PTK2B: variants seen among roughly 807,000 people sequenced by gnomAD.
PTK2B encodes the protein protein-tyrosine kinase 2-beta.
In PTK2B, 71 loss-of-function variants were observed where a neutral mutation model predicts 142.9. That is an observed-to-expected ratio of 0.50 (90% CI 0.41 to 0.61). The LOEUF is 0.61. Among genes scored for constraint, PTK2B ranks in the 20% least tolerant of loss-of-function variants. The pLI is 0.00. For synonymous variants in PTK2B, 519 were observed against 503.4 expected, an observed-to-expected ratio of 1.03 and a Z score of -0.42; for missense variants, 1,105 against 1,320.4, an observed-to-expected ratio of 0.84 and a Z score of 2.53.
chr8:27,339,792 G>C (rs1043969423), intron 1 of PTK2B, among the ~76,000 whole-genome samples: 3 of 152,208 alleles, frequency 2.0e-5, no homozygotes, highest in Non-Finnish European at 2.9e-5. Context: ...TTCCTTTACT[G>C]ATGGTGGTTG....
chr8:27,386,584 A>G (rs1441285288), intron 1 of PTK2B, among the ~76,000 whole-genome samples: 1 of 152,170 alleles, frequency 6.6e-6, no homozygotes, highest in Non-Finnish European at 1.5e-5. Flanking sequence ...CACAGGTGGC[A>G]TCCTGTTTGC....
At chr8:27,418,740 A>T (rs1478803365) in intron 2 of PTK2B, among the ~76,000 whole-genome samples, 3 of 152,162 alleles carry the variant, frequency 2.0e-5, no homozygotes, top group African/African-American at 7.2e-5. Context: ...TTAAAATGGC[A>T]CCAAAGTCCG....
chr8:27,373,245 G>T (rs2130961064), intron 1 of PTK2B, among the ~76,000 whole-genome samples: 1 of 152,306 alleles, frequency 6.6e-6, no homozygotes, highest in East Asian at 1.9e-4. Context: ...GCACAGCAGG[G>T]AGGCAGCATG....
At chr8:27,388,427 C>G (rs999076287) in intron 1 of PTK2B, among the ~76,000 whole-genome samples, 2 of 152,200 alleles carry the variant, frequency 1.3e-5, no homozygotes, top group Non-Finnish European at 2.9e-5. Context: ...AAAAGAAGCT[C>G]TTGGGAGGAA....
intron 20 of PTK2B, 84 bp from the exon 21 acceptor site, chr8:27,440,153 G>A: frequency 7.2e-7 from 1 of 1,396,806 alleles, no homozygotes; most frequent in Non-Finnish European, 1.0e-6. Context: ...TCCTGGTGGA[G>A]ACTGAGTGCT....
chr8:27,335,595 CAAAAAAAAAAA>C (rs900959610), intron 1 of PTK2B, among the ~76,000 whole-genome samples: 13 of 74,346 alleles, frequency 1.7e-4, no homozygotes, highest in African/African-American at 5.4e-4. Flanking sequence ...AACACTGTCT[CAAAAAAAAAAA>C]AAAAAAAAGA....
intron 21 of PTK2B, among the ~76,000 whole-genome samples, chr8:27,441,972 T>C (rs1242993948): frequency 6.6e-6 from 1 of 152,100 alleles, no homozygotes; most frequent in Non-Finnish European, 1.5e-5. Context: ...GGAGCAGGTT[T>C]CTGGTGTGAT....
At chr8:27,431,238 G>T (rs1810398677) in intron 8 of PTK2B, 160 bp from the exon 9 acceptor site, 1 of 1,510,772 alleles carries the variant, frequency 6.6e-7, no homozygotes, top group Non-Finnish European at 8.9e-7. Context: ...GACAGGCAAG[G>T]TGTCAGGAGG....
rs572692009 is a variant in PTK2B, at chr8:27,430,944, C to T, written c.738C>T (p.Cys246=). ...QQYASLREEE[C]VMKFFNTLAG... ...ACGCCTCGCTCAGGGAGGAGGAGTGCGTCATGAAGTTCTTCAACACTCTCG... is the reference window on the plus strand; with the variant it reads ...ACGCCTCGCTCAGGGAGGAGGAGTGTGTCATGAAGTTCTTCAACACTCTCG... Residue 246 remains cysteine (C), a synonymous_variant, in exon 8 of 31, where the codon TGC becomes TGT. Coordinates refer to ENST00000346049, the MANE Select transcript of PTK2B (RefSeq NM_173176.3). 8 of 1,614,158 alleles carry T rather than the reference C, an allele frequency of 5.0e-6. No homozygotes were observed. Among genetic ancestry groups the T allele is most frequent in the South Asian group, 1.1e-5 (1 of 91,082 alleles).
intron 10 of PTK2B, 43 bp downstream of exon 10, chr8:27,432,404 G>T: frequency 1.3e-6 from 2 of 1,577,774 alleles, no homozygotes; most frequent in East Asian, 2.3e-5. Context: ...CTCTGCAGGG[G>T]GTATAATGGC....
chr8:27,455,511 T>C (rs1812093199), intron 30 of PTK2B, among the ~76,000 whole-genome samples: 1 of 152,158 alleles, frequency 6.6e-6, no homozygotes, highest in African/African-American at 2.4e-5. Context: ...GTCATACCAC[T>C]GCACTCCAGC....
At chr8:27,332,191 G>T (rs1803794615) in intron 1 of PTK2B, among the ~76,000 whole-genome samples, 1 of 152,228 alleles carries the variant, frequency 6.6e-6, no homozygotes, top group East Asian at 1.9e-4. Flanking sequence ...GAGTCAGAGG[G>T]CAGGAGGCCT....
chr8:27,451,528 C>T lies in PTK2B; in HGVS notation c.2548+19C>T. The T allele has an allele frequency of 6.2e-7, 1 of 1,613,992 alleles. No individual in the cohort carries two copies. Among genetic ancestry groups the T allele is most frequent in the Non-Finnish European group, 8.5e-7 (1 of 1,179,954 alleles). On this transcript the variant is annotated intron_variant, in intron 27 of 30. Coordinates refer to ENST00000346049, the MANE Select transcript of PTK2B (RefSeq NM_173176.3). ...GGCTACCGTGAGTGTTCCCGCCCTT[C>T]TTCGGGGGGTTTCCTCTTGGCACCT... is the stretch of plus-strand genomic sequence containing the variant.
intron 2 of PTK2B, among the ~76,000 whole-genome samples, chr8:27,412,535 C>A (rs1809132678): frequency 6.6e-6 from 1 of 152,062 alleles, no homozygotes; most frequent in Non-Finnish European, 1.5e-5. Flanking sequence ...TGCTCCCTGT[C>A]CCCCAAGAAC....
At chr8:27,339,293 C>G (rs1804252028) in intron 1 of PTK2B, among the ~76,000 whole-genome samples, 1 of 152,150 alleles carries the variant, frequency 6.6e-6, no homozygotes, top group South Asian at 2.1e-4. Context: ...ATTGCTCTTT[C>G]CATCAGCACA....
In PTK2B at chr8:27,361,163, T is replaced by C. The variant is rs184646046; in HGVS notation, c.-38+35482T>C. Among the ~76,000 whole-genome samples, 79 of 152,312 alleles carry C rather than the reference T, an allele frequency of 5.2e-4. 1 individual carries two copies. The highest frequency in any genetic ancestry group is 3.4e-3 in the Middle Eastern group (1 of 294). ...AATGTCTATTATTCCACACTCTATGTCCATATGTACAAATTATTTAGCTCC... is the reference window on the plus strand; with the variant it reads ...AATGTCTATTATTCCACACTCTATGCCCATATGTACAAATTATTTAGCTCC... On this transcript the variant is annotated intron_variant, in intron 1 of 30. Transcript: ENST00000346049.
At chr8:27,312,416 C>T (rs1211340851) in intron 2 of PTK2B, 1 of 152,172 alleles carries the variant, frequency 6.6e-6, no homozygotes, top group Non-Finnish European at 1.5e-5. Context: ...GGGCCCCTCT[C>T]CTGTAATGCA....
intron 21 of PTK2B, among the ~76,000 whole-genome samples, chr8:27,442,033 C>G (rs1393221751): frequency 6.6e-6 from 1 of 152,178 alleles, no homozygotes. Flanking sequence ...CCTCAGACCA[C>G]CACCTGACTC....
rs992470623 is a variant in PTK2B at position 27,349,543 on chromosome 8, G to C, written c.-38+23862G>C. Among the ~76,000 whole-genome samples, 6 of 152,244 alleles carry C rather than the reference G, an allele frequency of 3.9e-5. No homozygotes were observed. In the East Asian group the frequency reaches 1.2e-3, roughly 29 times the overall value. ...GTGCATTGGCAGGAATGCGGGGCAGGGGGTGAAGACCTCAGCTCTGATCCT... is the reference window on the plus strand; with the variant it reads ...GTGCATTGGCAGGAATGCGGGGCAGCGGGTGAAGACCTCAGCTCTGATCCT... On this transcript the variant is annotated intron_variant, in intron 1 of 30. Transcript: ENST00000346049.
Sources: gnomAD v4.1 joint callset for allele counts (sites outside exome capture counted in the v4.1 genomes callset) on GRCh38, gnomAD v4.1.1 for gene constraint, MANE v1.5 for transcripts, NCBI Gene and HGNC (gene_info 2026-07-23, HGNC 2026-07-21) for gene names.